ZW10: variants seen among roughly 807,000 people sequenced by gnomAD.
ZW10 encodes the protein centromere/kinetochore protein zw10 homolog.
In ZW10, 53 loss-of-function variants were observed where a neutral mutation model predicts 87.8. The ratio of observed to expected loss-of-function variants is 0.60; its 90% CI spans 0.48 to 0.76. ZW10 has a LOEUF of 0.76. Ranked by LOEUF, ZW10 falls within the 30% of genes least tolerant of loss-of-function variation. ZW10 has a pLI of 0.00. For synonymous variants in ZW10, 312 were observed against 329.2 expected (o/e 0.95, Z 0.57); for missense variants, 837 against 923.0 (o/e 0.91, Z 1.21).
intron 7 of ZW10, among the ~76,000 whole-genome samples, chr11:113,748,797 T>C (rs1486633875): frequency 1.3e-5 from 2 of 152,214 alleles, no homozygotes; most frequent in South Asian, 2.1e-4. Flanking sequence ...ACATACTTTT[T>C]TCGTCTCTGC....
intron 11 of ZW10, among the ~76,000 whole-genome samples, chr11:113,740,368 C>T (rs1443826566): frequency 6.6e-6 from 1 of 152,102 alleles, no homozygotes; most frequent in Non-Finnish European, 1.5e-5. Flanking sequence ...GCAGGAGGAT[C>T]ACTTGAGCCA....
intron 7 of ZW10, chr11:113,751,091 G>T: frequency 5.1e-6 from 1 of 195,400 alleles, no homozygotes; most frequent in Non-Finnish European, 1.1e-5. Flanking sequence ...TAGATGCCTT[G>T]GATAATCCTT....
rs748599627 is a variant in ZW10 at position 113,737,631 on chromosome 11, T to C, written c.1957A>G (p.Met653Val). Residue 653 changes from methionine to valine, a missense_variant, in exon 14 of 16, where the codon ATG (methionine) becomes GTG (valine). Physicochemically the swap from Met to Val is conservative, Grantham distance 21. Transcript: ENST00000200135. The part of the protein sequence containing the change: ...VLPVNIYCKA[M>V]GTLLNTAISE... ...ATTGCTGTATTGAGTAAAGTCCCCA[T>C]AGCCTTGCAATATATATTCACTGGC... is the stretch of plus-strand genomic sequence containing the variant. The C allele has an allele frequency of 6.2e-7, 1 of 1,613,692 alleles. No homozygotes were observed. The highest frequency in any genetic ancestry group is 1.1e-5 in the South Asian group (1 of 91,016).
chr11:113,757,822 C>A lies in ZW10; in HGVS notation c.765G>T (p.Pro255=), dbSNP rs781495462. The stretch of plus-strand genomic sequence containing the variant: ...CATGAAGGGATGGGCAAGATGCCAG[C>A]GGCCTAAGGATATACTTCAGCAGCA... The part of the protein sequence containing the change: ...GQMLLKYILR[P]LASCPSLHAV... Residue 255 remains proline, a synonymous_variant, in exon 7 of 16, where the codon CCG becomes CCT. Coordinates refer to ENST00000200135, the MANE Select transcript of ZW10 (RefSeq NM_004724.4). 1.9e-5 allele frequency: 31 copies of A among 1,610,782 alleles called. No homozygotes were observed. The highest frequency in any genetic ancestry group is 2.5e-5 in the Non-Finnish European group (30 of 1,178,184).
chr11:113,741,803 A>T, intron 10 of ZW10, 38 bp from the exon 11 acceptor site: 1 of 1,469,404 alleles, frequency 6.8e-7, no homozygotes. Context: ...AATGCCTAAG[A>T]ATACACTAAA....
intron 2 of ZW10, among the ~76,000 whole-genome samples, chr11:113,767,143 T>G (rs1790724): frequency 6.6e-6 from 1 of 151,470 alleles, no homozygotes; most frequent in Non-Finnish European, 1.5e-5. Context: ...GGCCTTAGAT[T>G]GTGGAATCAG....
chr11:113,750,573 G>C (rs1244100471), intron 7 of ZW10, among the ~76,000 whole-genome samples: 1 of 152,010 alleles, frequency 6.6e-6, no homozygotes, highest in Non-Finnish European at 1.5e-5. Context: ...CAAAGTGCTG[G>C]GATTACAGGC....
chr11:113,767,656 A>G (rs573628965), intron 2 of ZW10, among the ~76,000 whole-genome samples: 4 of 152,238 alleles, frequency 2.6e-5, no homozygotes, highest in Non-Finnish European at 5.9e-5. Context: ...GATTCCGGAA[A>G]TTCAAATCTG....
intron 1 of ZW10, chr11:113,771,137 G>A (rs7124878): frequency 0.19 from 28,323 of 151,608 alleles, 2,762 homozygotes; most frequent in African/African-American, 0.23. Flanking sequence ...CACCACACCC[G>A]GCTAATTTGT....
chr11:113,733,860 G>C, intron 15 of ZW10, 46 bp from the exon 16 acceptor site: 1 of 1,532,352 alleles, frequency 6.5e-7, no homozygotes, highest in Non-Finnish European at 8.8e-7. Context: ...GGTCTCTGAA[G>C]TATAAGCAAG....
chr11:113,765,509 C>T (rs1953900505), intron 2 of ZW10, among the ~76,000 whole-genome samples: 1 of 152,166 alleles, frequency 6.6e-6, no homozygotes, highest in African/African-American at 2.4e-5. Context: ...TTATCTCCAG[C>T]TATAACCTGG....
intron 7 of ZW10, among the ~76,000 whole-genome samples, chr11:113,750,965 T>C (rs1565283756): frequency 6.6e-6 from 1 of 151,558 alleles, no homozygotes; most frequent in Non-Finnish European, 1.5e-5. Flanking sequence ...AAATACAATA[T>C]CTTTCTAACA....
At position 113,737,690 on chromosome 11, in the gene ZW10, A is replaced by G; in HGVS notation, c.1898T>C (p.Leu633Pro). The G allele has an allele frequency of 6.2e-7, 1 of 1,612,916 alleles. No homozygotes were observed. The highest frequency in any genetic ancestry group is 8.5e-7 in the Non-Finnish European group (1 of 1,179,268). ...SKAVRQVLHQ[L>P]KRLGIVWQDV... ...CTGCCACACAATTCCAAGTCTCTTT[A>G]GTTGGTGCAGTACCTGTAGAAGAAT... The change falls in exon 14 of 16, where the codon CTA becomes CCA. Residue 633 changes from leucine (L) to proline (P), a missense_variant. Physicochemically the swap from Leu to Pro is moderately conservative, Grantham distance 98. Transcript: ENST00000200135.
At chr11:113,744,426 G>A (rs1423722694) in intron 9 of ZW10, among the ~76,000 whole-genome samples, 1 of 152,038 alleles carries the variant, frequency 6.6e-6, no homozygotes, top group Non-Finnish European at 1.5e-5. Flanking sequence ...ATAAGCACAC[G>A]GTGAAGAATA....
chr11:113,749,596 G>T (rs1013136071), intron 7 of ZW10, among the ~76,000 whole-genome samples: 9 of 152,030 alleles, frequency 5.9e-5, no homozygotes, highest in African/African-American at 1.9e-4. Flanking sequence ...TCAATTTCCT[G>T]GTTTTGATAT....
At chr11:113,756,710 T>C (rs1953789949) in intron 7 of ZW10, among the ~76,000 whole-genome samples, 1 of 152,202 alleles carries the variant, frequency 6.6e-6, no homozygotes, top group East Asian at 1.9e-4. Context: ...GATGGAATAT[T>C]ATAGAGGAGA....
rs1437273852 is a variant in ZW10, at chr11:113,768,843, A to G, written c.230T>C (p.Ile77Thr). The change falls in exon 2 of 16, where the codon ATA (isoleucine) becomes ACA (threonine). Residue 77 changes from isoleucine (I) to threonine (T), a missense_variant. Ile to Thr is a moderately conservative substitution (Grantham distance 89). Transcript: ENST00000200135. Reference sequence around the variant, plus strand: ...ACAAATTATCCTTACCTCACTCTCTATCCTGGATTTCAGCAGGTCAATGTC... The same window carrying G: ...ACAAATTATCCTTACCTCACTCTCTGTCCTGGATTTCAGCAGGTCAATGTC... ...SEDIDLLKSR[I>T]ESEVRRDLHV... is the part of the protein sequence containing the mutation. 23 of 1,613,994 alleles carry G rather than the reference A, an allele frequency of 1.4e-5. No homozygotes were observed. Among genetic ancestry groups the G allele is most frequent in the Non-Finnish European group, 1.8e-5 (21 of 1,180,024 alleles).
Position 113,736,834 on chromosome 11 carries a change from C to A in ZW10, c.2017-12G>T. Reference sequence around the variant, plus strand: ...TCAGTAGATATGTCCTGGTTTTGCACAGAGGAAACACAATAGAATAGAATT... The same window carrying A: ...TCAGTAGATATGTCCTGGTTTTGCAAAGAGGAAACACAATAGAATAGAATT... On this transcript the variant is annotated splice_polypyrimidine_tract_variant and intron_variant, in intron 14 of 15. Transcript: ENST00000200135. The A allele has an allele frequency of 6.2e-7, 1 of 1,613,434 alleles. No individual in the cohort carries two copies.
intron 7 of ZW10, among the ~76,000 whole-genome samples, chr11:113,749,675 G>A (rs1355613040): frequency 6.6e-6 from 1 of 152,166 alleles, no homozygotes; most frequent in Non-Finnish European, 1.5e-5. Context: ...ATTCAGTGGA[G>A]GCACGAGACC....
Sources: gnomAD v4.1 joint callset for allele counts (sites outside exome capture counted in the v4.1 genomes callset) on GRCh38, gnomAD v4.1.1 for gene constraint, MANE v1.5 for transcripts, NCBI Gene and HGNC (gene_info 2026-07-23, HGNC 2026-07-21) for gene names.